PSMD8: variants seen among roughly 807,000 people sequenced by gnomAD.
The protein encoded by PSMD8 is 26S proteasome non-ATPase regulatory subunit 8.
Under a neutral mutation model 40.0 loss-of-function variants are expected in PSMD8, and 30 were observed. The ratio of observed to expected loss-of-function variants is 0.75; its 90% CI spans 0.56 to 1.02. The LOEUF (loss-of-function observed/expected upper bound fraction) is 1.02, where lower values mean the gene tolerates loss of function less well. Among genes scored for constraint, PSMD8 ranks in the 50% least tolerant of loss-of-function variants. The pLI is 0.00. For missense variants in PSMD8, 461 were observed against 463.9 expected, an observed-to-expected ratio of 0.99 and a Z score of 0.06; for synonymous variants, 208 against 192.5, an observed-to-expected ratio of 1.08 and a Z score of -0.67.
intron 6 of PSMD8, 155 bp downstream of exon 6, chr19:38,382,383 T>G (rs1970648344): frequency 1.5e-6 from 1 of 671,202 alleles, no homozygotes; most frequent in Non-Finnish European, 2.7e-6. Context: ...TGACATCAGT[T>G]TCTCTATCCA....
In PSMD8 at chr19:38,375,910, G is replaced by A. The variant is rs76977937; in HGVS notation, c.361-250G>A. Among the ~76,000 whole-genome samples the A allele has an allele frequency of 2.0e-3, 303 of 152,326 alleles. 2 individuals are homozygous for A. In the East Asian group the frequency reaches 0.035, roughly 17 times the overall value. On this transcript the variant is annotated intron_variant, in intron 1 of 6. Transcript: ENST00000215071. ...CCCCACCGCCGCGTGATTCCACTGG[G>A]TCAGGCACTGAGTGTCCCTCCTTGT...
At position 38,374,672 on chromosome 19, in the gene PSMD8, G is replaced by A; in HGVS notation, c.71G>A (p.Arg24Lys). ...ERRRATRGGL[R>K]QVVAPPRALG... ...CGGCGGGCTACCCGGGGCGGGCTGA[G>A]GCAGGTTGTAGCCCCGCCCCGGGCC... The change falls in exon 1 of 7, where the codon AGG becomes AAG. Residue 24 changes from arginine to lysine, a missense_variant. By Grantham distance (26) the Arg-to-Lys change is conservative (BLOSUM62 2). This residue lies in a region of PSMD8 where 225 missense variants were observed against 142.7 expected (regional missense o/e 1.58). Transcript: ENST00000215071. 1.3e-6 allele frequency: 2 copies of A among 1,538,910 alleles called. No individual in the cohort carries two copies. The highest frequency in any genetic ancestry group is 1.7e-6 in the Non-Finnish European group (2 of 1,146,010).
Position 38,383,397 on chromosome 19 carries a change from C to T in PSMD8, c.*7C>T, listed in dbSNP as rs759613610. ...GCTGGAGATGATCGTCTGAGCCCCC[C>T]GGGCACTGGGTGGGGCAGGGCACGA... On this transcript the variant is annotated 3_prime_UTR_variant, in exon 7 of 7. Coordinates refer to ENST00000215071, the MANE Select transcript of PSMD8 (RefSeq NM_002812.5). 1.1e-5 allele frequency: 18 copies of T among 1,613,816 alleles called. No individual in the cohort carries two copies. The highest frequency in any genetic ancestry group is 4.0e-5 in the African/African-American group (3 of 74,914).
At chr19:38,378,573 G>A (rs1227683558) in intron 3 of PSMD8, among the ~76,000 whole-genome samples, 2 of 151,416 alleles carry the variant, frequency 1.3e-5, no homozygotes, top group Non-Finnish European at 2.9e-5. Flanking sequence ...CTACTTTGGA[G>A]TCTGAGGTGG....
At chr19:38,375,069 A>C (rs1970586786) in intron 1 of PSMD8, 108 bp downstream of exon 1, 1 of 1,475,920 alleles carries the variant, frequency 6.8e-7, no homozygotes, top group Admixed American at 2.2e-5. Flanking sequence ...GGTGCCAGCG[A>C]GACTGAGGCG....
intron 4 of PSMD8, among the ~76,000 whole-genome samples, chr19:38,379,918 A>G (rs1250342990): frequency 6.6e-6 from 1 of 152,110 alleles, no homozygotes; most frequent in Non-Finnish European, 1.5e-5. Context: ...CTATGATCAC[A>G]CCACTGTATT....
At chr19:38,377,559 C>A (rs1248934333) in intron 3 of PSMD8, among the ~76,000 whole-genome samples, 1 of 151,784 alleles carries the variant, frequency 6.6e-6, no homozygotes, top group Admixed American at 6.6e-5. Flanking sequence ...TGCAATGGTG[C>A]AATCTCGGCT....
At chr19:38,380,842 G>T in intron 4 of PSMD8, 57 bp from the exon 5 acceptor site, 1 of 1,364,430 alleles carries the variant, frequency 7.3e-7, no homozygotes, top group Admixed American at 2.2e-5. Flanking sequence ...CACACAGGTA[G>T]GCCCCTTTGC....
rs773790915 is a variant in PSMD8 at position 38,374,617 on chromosome 19, A to G, written c.16A>G (p.Arg6Gly). The G allele has an allele frequency of 2.7e-6, 4 of 1,494,874 alleles. No individual in the cohort carries two copies. The highest frequency in any genetic ancestry group is 3.5e-6 in the Non-Finnish European group (4 of 1,128,878). The allele number at this position is 1,494,874 out of a possible 1,614,324, so 92.6% of individuals were successfully genotyped here. Reference protein sequence around the residue: MFIKGRAPRAPPRERR... With the variant: MFIKGGAPRAPPRERR... ...TCCAACTGACATGTTCATTAAGGGC[A>G]GGGCTCCGAGGGCGCCACCTCGAGA... is the stretch of plus-strand genomic sequence containing the variant. Residue 6 changes from arginine (R) to glycine (G), a missense_variant, in exon 1 of 7, where the codon AGG (arginine) becomes GGG (glycine). Coordinates refer to ENST00000215071, the MANE Select transcript of PSMD8 (RefSeq NM_002812.5).
rs1188001164 is a variant in PSMD8, at chr19:38,383,691, A to T, written c.*301A>T. ...CCTGCAGGAGGGCATGGCCCCAGGTAGGGGGACTGTTCTAGCCAGCTGTGG... is the reference window on the plus strand; with the variant it reads ...CCTGCAGGAGGGCATGGCCCCAGGTTGGGGGACTGTTCTAGCCAGCTGTGG... On this transcript the variant is annotated 3_prime_UTR_variant, in exon 7 of 7. Coordinates refer to ENST00000215071, the MANE Select transcript of PSMD8 (RefSeq NM_002812.5). 1 of 431,038 alleles carries T rather than the reference A, an allele frequency of 2.3e-6. No homozygotes were observed. Among genetic ancestry groups the T allele is most frequent in the African/African-American group, 2.0e-5 (1 of 50,590 alleles). The allele number at this position is 431,038 out of a possible 1,614,324, so 26.7% of individuals were successfully genotyped here. A position where few individuals can be genotyped will look rare whatever the true frequency, so the allele number is the denominator to read the frequency against.
At chr19:38,375,774 G>A (rs992094775) in intron 1 of PSMD8, among the ~76,000 whole-genome samples, 1 of 152,112 alleles carries the variant, frequency 6.6e-6, no homozygotes, top group African/African-American at 2.4e-5. Context: ...GCTGAACTGT[G>A]GGGGGAGATT....
chr19:38,381,975 G>A (rs1376724762), intron 5 of PSMD8, 142 bp from the exon 6 acceptor site: 4 of 634,770 alleles, frequency 6.3e-6, no homozygotes, highest in Admixed American at 2.8e-5. Context: ...TCTGAGCCTT[G>A]ATGAATAAAA....
chr19:38,374,979 A>T lies in PSMD8; in HGVS notation c.360+18A>T. 6.5e-7 allele frequency: 1 copy of T among 1,544,582 alleles called. No homozygotes were observed. Among genetic ancestry groups the T allele is most frequent in the East Asian group, 2.4e-5 (1 of 41,332 alleles). Reference sequence around the variant, plus strand: ...GACTCAAGGTAAAGTCGGCAGGCCCAGGAAACCGAGTGTTGCGGGCGTGGG... The same window carrying T: ...GACTCAAGGTAAAGTCGGCAGGCCCTGGAAACCGAGTGTTGCGGGCGTGGG... On this transcript the variant is annotated intron_variant, in intron 1 of 6. Transcript: ENST00000215071.
At chr19:38,378,907 C>T (rs1280579386) in intron 3 of PSMD8, among the ~76,000 whole-genome samples, 1 of 152,040 alleles carries the variant, frequency 6.6e-6, no homozygotes, top group Non-Finnish European at 1.5e-5. Flanking sequence ...GAGCCAAGAA[C>T]GCACCATTGC....
Position 38,376,145 on chromosome 19 carries a change from T to G in PSMD8, c.361-15T>G. 9.9e-6 allele frequency: 11 copies of G among 1,112,636 alleles called. No homozygotes were observed. Among genetic ancestry groups the G allele is most frequent in the Non-Finnish European group, 1.3e-5 (10 of 748,938 alleles). The allele number at this position is 1,112,636 out of a possible 1,614,324, so 68.9% of individuals were successfully genotyped here. ...TCCCTTCTTTTCTTTCTTCCCTCCC[T>G]CCCCTCCCCATCAGCTAGTTCTTCT... On this transcript the variant is annotated splice_polypyrimidine_tract_variant and intron_variant, in intron 1 of 6. Coordinates refer to ENST00000215071, the MANE Select transcript of PSMD8 (RefSeq NM_002812.5).
chr19:38,375,035 G>A, intron 1 of PSMD8, 74 bp downstream of exon 1: 4 of 1,514,670 alleles, frequency 2.6e-6, no homozygotes, highest in Non-Finnish European at 3.5e-6. Context: ...ACCCAACCAA[G>A]TCCCGGGCCG....
intron 5 of PSMD8, among the ~76,000 whole-genome samples, 192 bp from the exon 6 acceptor site, chr19:38,381,921 CGTGG>C (rs1215262552): frequency 1.3e-5 from 2 of 152,106 alleles, no homozygotes; most frequent in Admixed American, 6.6e-5. Flanking sequence ...GGGGATCACC[CGTGG>C]CCCTTGCTTG....
intron 4 of PSMD8, 124 bp from the exon 5 acceptor site, chr19:38,380,775 C>A (rs1970634140): frequency 4.4e-6 from 3 of 674,706 alleles, no homozygotes; most frequent in Non-Finnish European, 2.5e-6. Flanking sequence ...GTACCCAGGG[C>A]AGGGGTGTGG....
chr19:38,380,725 T>TGTGCGCGCGCGTGCGCGCGC (rs1970633390), intron 4 of PSMD8, among the ~76,000 whole-genome samples, 174 bp from the exon 5 acceptor site: 1 of 150,320 alleles, frequency 6.7e-6, no homozygotes, highest in African/African-American at 2.5e-5. Flanking sequence ...TGTGTGTGTG[T>TGTGCGCGCGCGTGCGCGCGC]GTGTGCGCAT....
Sources: allele counts gnomAD v4.1 joint callset (sites outside exome capture counted in the v4.1 genomes callset), GRCh38; gene constraint gnomAD v4.1.1; regional missense constraint gnomAD v4.1.1; transcripts MANE v1.5; gene names NCBI Gene and HGNC (gene_info 2026-07-23, HGNC 2026-07-21).